Variants in TMOD4 observed in about 807,000 individuals in gnomAD.
TMOD4 encodes tropomodulin 4, also known as tropomodulin-4.
A neutral mutation model predicts 45.4 loss-of-function variants in TMOD4; 34 were observed. The ratio of observed to expected loss-of-function variants is 0.75; its 90% CI spans 0.57 to 1.00. The LOEUF (loss-of-function observed/expected upper bound fraction) is 1.00. Among genes scored for constraint, TMOD4 ranks in the 50% least tolerant of loss-of-function variants. The pLI is 0.00. For missense variants in TMOD4, 399 were observed against 437.5 expected (o/e 0.91, Z 0.78); for synonymous variants, 131 against 153.9 (o/e 0.85, Z 1.10).
chr1:151,174,638 C>T (rs1295497835), intron 2 of TMOD4, 91 bp from the exon 3 acceptor site: 1 of 1,594,514 alleles, frequency 6.3e-7, no homozygotes, highest in African/African-American at 1.3e-5. Flanking sequence ...CACCTTTCCC[C>T]TGGCCTTCTT....
chr1:151,170,692 G>C (rs1180461943), intron 8 of TMOD4, 29 bp from the exon 9 acceptor site: 31 of 1,612,756 alleles, frequency 1.9e-5, no homozygotes, highest in Non-Finnish European at 2.5e-5. Context: ...AAAGCTGACA[G>C]TCACCCTCTC....
chr1:151,170,829 C>A (rs1683930198), intron 8 of TMOD4, 91 bp downstream of exon 8: 1 of 1,540,266 alleles, frequency 6.5e-7, no homozygotes, highest in Non-Finnish European at 8.8e-7. Context: ...AGAATTCAAG[C>A]AAGATTAAGT....
chr1:151,174,638 C>G, intron 2 of TMOD4, 91 bp from the exon 3 acceptor site: 1 of 1,594,514 alleles, frequency 6.3e-7, no homozygotes, highest in Non-Finnish European at 8.5e-7. Context: ...CACCTTTCCC[C>G]TGGCCTTCTT....
In TMOD4 at chr1:151,172,811, GTTGTTT is replaced by G. The variant is rs587710622; in HGVS notation, c.398-460_398-455del. Among the ~76,000 whole-genome samples the G allele has an allele frequency of 1.5e-3, 234 of 151,898 alleles. 2 individuals carry two copies. Among genetic ancestry groups the G allele is most frequent in the African/African-American group, 5.0e-3 (209 of 41,458 alleles). On this transcript the variant is annotated intron_variant, in intron 4 of 9. Transcript: ENST00000295314. ...CCATGCCTGGCTAATTTTTTTTGTTGTTGTTTTTGTTTTTGTTTTTTGTTTTTTGAG... is the reference window on the plus strand; with the variant it reads ...CCATGCCTGGCTAATTTTTTTTGTTGTTGTTTTTGTTTTTTGTTTTTTGAG...
Position 151,170,580 on chromosome 1 carries a change from G to A in TMOD4, c.954C>T (p.His318=), listed in dbSNP as rs34289776. The A allele has an allele frequency of 5.6e-3, 9,035 of 1,614,200 alleles. 36 individuals carry two copies. The highest frequency in any genetic ancestry group is 7.1e-3 in the Non-Finnish European group (8,331 of 1,180,032). The change falls in exon 9 of 10, where the codon CAC becomes CAT. Residue 318 remains histidine (H), a synonymous_variant. Coordinates refer to ENST00000295314, the MANE Select transcript of TMOD4 (RefSeq NM_013353.3). ...QCPSIVRFGY[H]FTQQGPRARA... ...GAGCTCGTGGCCCCTGCTGTGTAAA[G>A]TGGTAGCCAAAGCGGACAATAGAGG...
At chr1:151,175,428 T>C (rs1327027522) in intron 1 of TMOD4, 3 of 152,308 alleles carry the variant, frequency 2.0e-5, no homozygotes, top group Non-Finnish European at 2.9e-5. Context: ...TACCCCATCC[T>C]CATTTCCCTT....
chr1:151,170,784 C>A, intron 8 of TMOD4, 121 bp from the exon 9 acceptor site: 2 of 1,515,504 alleles, frequency 1.3e-6, no homozygotes, highest in Admixed American at 2.0e-5. Flanking sequence ...AAGAGAGATG[C>A]TGACTTGGCT....
At chr1:151,174,016 C>G (rs587746650) in intron 3 of TMOD4, among the ~76,000 whole-genome samples, 8 of 152,148 alleles carry the variant, frequency 5.3e-5, no homozygotes, top group South Asian at 2.1e-4. Context: ...GAGATCGAGA[C>G]CATCCTGGCT....
Position 151,172,316 on chromosome 1 carries a change from A to G in TMOD4, c.439T>C (p.Tyr147His). The change falls in exon 5 of 10, where the codon TAT becomes CAT. Residue 147 changes from tyrosine (Y) to histidine (H), a missense_variant. Tyr to His is a moderately conservative substitution (Grantham distance 83). Transcript: ENST00000295314. ...MYTLMSNKQY[Y>H]DALCSGEICN... ...ATTTCTCCACTGCAGAGGGCATCAT[A>G]GTATTGCTTGTTACTCATCAGTGTG... The G allele has an allele frequency of 1.2e-6, 2 of 1,613,888 alleles. No homozygotes were observed. Among genetic ancestry groups the G allele is most frequent in the Non-Finnish European group, 1.7e-6 (2 of 1,179,844 alleles).
rs973759284 is a variant in TMOD4, at chr1:151,172,313, C to T, written c.442G>A (p.Asp148Asn). ...CAGATTTCTCCACTGCAGAGGGCAT[C>T]ATAGTATTGCTTGTTACTCATCAGT... Reference protein sequence around the residue: ...YTLMSNKQYYDALCSGEICNT... With the variant: ...YTLMSNKQYYNALCSGEICNT... Residue 148 changes from aspartate to asparagine, a missense_variant, in exon 5 of 10, where the codon GAT becomes AAT. Coordinates refer to ENST00000295314, the MANE Select transcript of TMOD4 (RefSeq NM_013353.3). The T allele has an allele frequency of 1.2e-6, 2 of 1,613,920 alleles. No homozygotes were observed. Among genetic ancestry groups the T allele is most frequent in the African/African-American group, 1.3e-5 (1 of 75,038 alleles).
intron 4 of TMOD4, 69 bp from the exon 5 acceptor site, chr1:151,172,426 T>C: frequency 5.6e-6 from 7 of 1,247,762 alleles, no homozygotes; most frequent in Non-Finnish European, 8.2e-6. Context: ...CTCCTACCTA[T>C]TTCTGAATCT....
At position 151,170,555 on chromosome 1, in the gene TMOD4, G is replaced by A. The variant is rs753540603; in HGVS notation, c.979C>T (p.Arg327Trp). Residue 327 changes from arginine to tryptophan, a missense_variant, in exon 9 of 10, where the codon CGG becomes TGG. By Grantham distance (101) the Arg-to-Trp change is moderately radical. Coordinates refer to ENST00000295314, the MANE Select transcript of TMOD4 (RefSeq NM_013353.3). ...TTTCGGGTCATGGCCTGGGCTGCCC[G>A]AGCTCGTGGCCCCTGCTGTGTAAAG... ...YHFTQQGPRA[R>W]AAQAMTRNNE... 16 of 1,614,038 alleles carry A rather than the reference G, an allele frequency of 9.9e-6. No homozygotes were observed. The highest frequency in any genetic ancestry group is 8.3e-5 in the Admixed American group (5 of 59,982).
Position 151,174,490 on chromosome 1 carries a change from C to A in TMOD4, c.181G>T (p.Gly61Trp). ...AAAAGGGCCTCTCGGTCCAGTGGCC[C>A]CGTTGGGCTCTTCTTTGTCTGGTCA... ...QRDQTKKSPT[G>W]PLDREALLQY... The change falls in exon 3 of 10, where the codon GGG (glycine) becomes TGG (tryptophan). Residue 61 changes from glycine (G) to tryptophan (W), a missense_variant. By Grantham distance (184) the Gly-to-Trp change is radical (BLOSUM62 -2). Coordinates refer to ENST00000295314, the MANE Select transcript of TMOD4 (RefSeq NM_013353.3). 6.2e-7 allele frequency: 1 copy of A among 1,614,180 alleles called. No homozygotes were observed. Among genetic ancestry groups the A allele is most frequent in the Non-Finnish European group, 8.5e-7 (1 of 1,180,030 alleles).
chr1:151,174,544 T>C lies in TMOD4; in HGVS notation c.127A>G (p.Met43Val). 2 of 1,613,852 alleles carry C rather than the reference T, an allele frequency of 1.2e-6. No individual in the cohort carries two copies. The highest frequency in any genetic ancestry group is 1.7e-6 in the Non-Finnish European group (2 of 1,180,016). The stretch of plus-strand genomic sequence containing the variant: ...TGTCTTAGTCCAGCTGGCAGGAGCA[T>C]GTTCTTAGGGATGAGTTTTGGGGAG... ...CELQEMDPEN[M>V]LLPAGLRQRD... is the part of the protein sequence containing the mutation. Residue 43 changes from methionine to valine, a missense_variant, in exon 3 of 10, where the codon ATG becomes GTG. By Grantham distance (21) the Met-to-Val change is conservative. Coordinates refer to ENST00000295314, the MANE Select transcript of TMOD4 (RefSeq NM_013353.3).
At position 151,174,893 on chromosome 1, in the gene TMOD4, C is replaced by T. The variant is rs1445310491; in HGVS notation, c.-18G>A. On this transcript the variant is annotated 5_prime_UTR_variant, in exon 2 of 10. Coordinates refer to ENST00000295314, the MANE Select transcript of TMOD4 (RefSeq NM_013353.3). ...GATGACATGGTGGCCCCCACCCCCT[C>T]CCCACTGTGTGGTACTCACAGAGCC... The T allele has an allele frequency of 6.2e-7, 1 of 1,613,924 alleles. No individual in the cohort carries two copies. Among genetic ancestry groups the T allele is most frequent in the African/African-American group, 1.3e-5 (1 of 74,934 alleles).
chr1:151,171,867 G>C (rs1421839031), intron 5 of TMOD4, 104 bp from the exon 6 acceptor site: 60 of 1,390,798 alleles, frequency 4.3e-5, no homozygotes, highest in Non-Finnish European at 5.4e-5. Context: ...ATGGAGTCTC[G>C]CTCTATCCAC....
chr1:151,170,990 G>C lies in TMOD4; in HGVS notation c.800C>G (p.Thr267Arg). 3 of 1,614,170 alleles carry C rather than the reference G, an allele frequency of 1.9e-6. No individual in the cohort carries two copies. The South Asian group carries it at 3.3e-5, about 18-fold the overall frequency. ...LNIESNFISS[T>R]GLMAVLKAVR... The stretch of plus-strand genomic sequence containing the variant: ...TGCCTTCAGCACAGCCATGAGTCCT[G>C]TGCTGCTAATGAAGTTGGATTCGAT... Residue 267 changes from threonine (T) to arginine (R), a missense_variant, in exon 8 of 10, where the codon ACA becomes AGA. Thr to Arg is a moderately conservative substitution (Grantham distance 71, BLOSUM62 -1). Transcript: ENST00000295314.
rs1683961151 is a variant in TMOD4 at position 151,171,616 on chromosome 1, G to A, written c.618+17C>T. 1.2e-6 allele frequency: 2 copies of A among 1,614,118 alleles called. No individual in the cohort carries two copies. The highest frequency in any genetic ancestry group is 1.3e-5 in the African/African-American group (1 of 75,012). The stretch of plus-strand genomic sequence containing the variant: ...TGGTTATCCGGTGTTATGGTTTGGA[G>A]GATGCAAGTCAAATACCTGTATATT... On this transcript the variant is annotated intron_variant, in intron 6 of 9. Transcript: ENST00000295314.
At chr1:151,174,686 A>C in intron 2 of TMOD4, 67 bp downstream of exon 2, 1 of 1,609,076 alleles carries the variant, frequency 6.2e-7, no homozygotes, top group Non-Finnish European at 8.5e-7. Flanking sequence ...ATTCTCAGCC[A>C]CCCAGAGCCC....
Sources: gnomAD v4.1 joint callset for allele counts (sites outside exome capture counted in the v4.1 genomes callset) on GRCh38, gnomAD v4.1.1 for gene constraint, MANE v1.5 for transcripts, NCBI Gene and HGNC (gene_info 2026-07-23, HGNC 2026-07-21) for gene names.